Variants in KIF13A observed in about 807,000 individuals in gnomAD.
The protein encoded by KIF13A is kinesin-like protein KIF13A.
A neutral mutation model predicts 212.2 loss-of-function variants in KIF13A; 79 were observed. The ratio of observed to expected loss-of-function variants is 0.37; its 90% CI spans 0.31 to 0.45. The LOEUF (loss-of-function observed/expected upper bound fraction) is 0.45, where lower values mean the gene tolerates loss of function less well. KIF13A is among the 20% of genes least tolerant of loss of function. The pLI is 1.00. For synonymous variants in KIF13A, 789 were observed against 808.6 expected, an observed-to-expected ratio of 0.98 and a Z score of 0.41; for missense variants, 1,901 against 2,209.0, an observed-to-expected ratio of 0.86 and a Z score of 2.79.
At chr6:17,781,684 C>T (rs539976453) in intron 29 of KIF13A, among the ~76,000 whole-genome samples, 76 of 145,840 alleles carry the variant, frequency 5.2e-4, no homozygotes, top group African/African-American at 1.8e-3. Context: ...CTTGAGTGCA[C>T]GGCCTGATCA....
chr6:17,956,991 C>T (rs919317868), intron 2 of KIF13A, among the ~76,000 whole-genome samples: 2 of 152,080 alleles, frequency 1.3e-5, no homozygotes, highest in Admixed American at 6.6e-5. Context: ...AGTGATTCTC[C>T]TGCCTCAGCC....
intron 2 of KIF13A, among the ~76,000 whole-genome samples, chr6:17,941,573 A>G (rs1776957470): frequency 6.6e-6 from 1 of 152,272 alleles, no homozygotes; most frequent in Middle Eastern, 3.4e-3. Flanking sequence ...AGACACACAG[A>G]GAAGGAAGAC....
chr6:17,894,021 G>A (rs1211475348), intron 3 of KIF13A, among the ~76,000 whole-genome samples: 1 of 151,800 alleles, frequency 6.6e-6, no homozygotes, highest in Non-Finnish European at 1.5e-5. Flanking sequence ...TGTATTTTCA[G>A]TAAAGACAGG....
In KIF13A at chr6:17,898,288, G is replaced by T; in HGVS notation, c.147-108C>A. 1 of 1,021,658 alleles carries T rather than the reference G, an allele frequency of 9.8e-7. No homozygotes were observed. The highest frequency in any genetic ancestry group is 1.5e-6 in the Non-Finnish European group (1 of 678,194). The allele number at this position is 1,021,658 out of a possible 1,614,324, so 63.3% of individuals were successfully genotyped here. A position where few individuals can be genotyped will look rare whatever the true frequency, so the allele number is the denominator to read the frequency against. ...AAGAGAAAAAAATAAGGTAAATTCAGCACCTTGATAACATGATCTGAAAGA... is the reference window on the plus strand; with the variant it reads ...AAGAGAAAAAAATAAGGTAAATTCATCACCTTGATAACATGATCTGAAAGA... On this transcript the variant is annotated intron_variant, in intron 2 of 38. Coordinates refer to ENST00000259711, the MANE Select transcript of KIF13A (RefSeq NM_022113.6). The surrounding 1 kb of genome is among the most constrained non-coding windows in gnomAD (Gnocchi z 5.2).
rs1239076609 is a variant in KIF13A, at chr6:17,912,619, A to G, written c.147-14439T>C. The stretch of plus-strand genomic sequence containing the variant: ...TATTTGGGACATGCCACCCTTGTTG[A>G]GTTTTATCATGCATCTTCAAGTCTC... On this transcript the variant is annotated intron_variant, in intron 2 of 38. Transcript: ENST00000259711. The surrounding 1 kb of genome is among the most constrained non-coding windows in gnomAD (Gnocchi z 4.2). 6.6e-6 allele frequency among the ~76,000 whole-genome samples: 1 copy of G among 152,156 alleles called. No homozygotes were observed. Among genetic ancestry groups the G allele is most frequent in the African/African-American group, 2.4e-5 (1 of 41,430 alleles).
intron 29 of KIF13A, among the ~76,000 whole-genome samples, chr6:17,782,529 G>C (rs928199731): frequency 3.9e-5 from 6 of 151,942 alleles, no homozygotes; most frequent in Non-Finnish European, 1.5e-5. Flanking sequence ...CCAGCTACTT[G>C]GGAGGCTGAG....
rs755781422 is a variant in KIF13A, at chr6:17,764,502, C to T, written c.5026G>A (p.Ala1676Thr). 75 of 1,613,884 alleles carry T rather than the reference C, an allele frequency of 4.6e-5. No homozygotes were observed. Among genetic ancestry groups the T allele is most frequent in the Non-Finnish European group, 6.1e-5 (72 of 1,179,894 alleles). ...VVPLKENSAL[A>T]KGSPSSQSIP... ...CTCTGGGATGATGGGCTCCCTTTGGCTAAGGCACTGTTTTCCTTGAGTGGC... is the reference window on the plus strand; with the variant it reads ...CTCTGGGATGATGGGCTCCCTTTGGTTAAGGCACTGTTTTCCTTGAGTGGC... Residue 1676 changes from alanine (A) to threonine (T), a missense_variant, in exon 39 of 39, where the codon GCC (alanine) becomes ACC (threonine). Ala to Thr is a moderately conservative substitution (Grantham distance 58). This residue lies in a region of KIF13A where 687 missense variants were observed against 759.1 expected (regional missense o/e 0.90). Coordinates refer to ENST00000259711, the MANE Select transcript of KIF13A (RefSeq NM_022113.6). This position sits in a 1 kb window ranked among gnomAD's most constrained non-coding sequence, Gnocchi z 5.1.
At chr6:17,820,608 A>C (rs1190211039) in intron 16 of KIF13A, among the ~76,000 whole-genome samples, 1 of 152,238 alleles carries the variant, frequency 6.6e-6, no homozygotes, top group African/African-American at 2.4e-5. Context: ...GATTGTCCAC[A>C]GGTTTATTTT....
chr6:17,797,416 A>C (rs1205784552), intron 22 of KIF13A, among the ~76,000 whole-genome samples: 1 of 152,196 alleles, frequency 6.6e-6, no homozygotes, highest in African/African-American at 2.4e-5. Context: ...CTGAATCTAC[A>C]TCGTCTTACA....
chr6:17,950,343 C>A, intron 2 of KIF13A: 6 of 912,284 alleles, frequency 6.6e-6, no homozygotes, highest in Non-Finnish European at 7.9e-6. Flanking sequence ...CAAATCTAAG[C>A]ACAAACCTTA....
At chr6:17,767,293 C>T (rs1381435279) in intron 38 of KIF13A, among the ~76,000 whole-genome samples, 4 of 148,150 alleles carry the variant, frequency 2.7e-5, no homozygotes, top group African/African-American at 7.5e-5. Context: ...TCACTCTTGT[C>T]GTCCAGGCTG....
Position 17,789,896 on chromosome 6 carries a change from A to G in KIF13A, c.3237T>C (p.Asp1079=), listed in dbSNP as rs771849837. The G allele has an allele frequency of 2.5e-6, 4 of 1,612,964 alleles. No homozygotes were observed. Among genetic ancestry groups the G allele is most frequent in the Admixed American group, 3.3e-5 (2 of 59,938 alleles). ...CCTGATAACTATCCATATCATCACCATCCTCATCATCTCTCTGGTAGGAAA... is the reference window on the plus strand; with the variant it reads ...CCTGATAACTATCCATATCATCACCGTCCTCATCATCTCTCTGGTAGGAAA... ...GLDSYQRDDE[D]GDDMDSYQEE... is the part of the protein sequence containing the mutation. Residue 1079 remains aspartate, a synonymous_variant, in exon 26 of 39, where the codon GAT becomes GAC. Coordinates refer to ENST00000259711, the MANE Select transcript of KIF13A (RefSeq NM_022113.6). This position sits in a 1 kb window ranked among gnomAD's most constrained non-coding sequence, Gnocchi z 4.8.
chr6:17,983,893 G>A (rs1283444261), intron 2 of KIF13A, among the ~76,000 whole-genome samples: 1 of 152,116 alleles, frequency 6.6e-6, no homozygotes, highest in Non-Finnish European at 1.5e-5. Flanking sequence ...ATTGGCAAAG[G>A]ACTCTCTCCT....
Position 17,873,452 on chromosome 6 carries a change from A to T in KIF13A, c.160-15T>A. On this transcript the variant is annotated splice_polypyrimidine_tract_variant and intron_variant, in intron 3 of 38. Transcript: ENST00000259711. ...AAGGCAAATACCTGAATGAAAGAAC[A>T]AAATATTAAACTTAAAGATTAATTA... 1 of 1,532,280 alleles carries T rather than the reference A, an allele frequency of 6.5e-7. No homozygotes were observed. The highest frequency in any genetic ancestry group is 8.9e-7 in the Non-Finnish European group (1 of 1,124,774). The allele number at this position is 1,532,280 out of a possible 1,614,324, so 94.9% of individuals were successfully genotyped here.
At position 17,888,467 on chromosome 6, in the gene KIF13A, C is replaced by G. The variant is rs1265968529; in HGVS notation, c.159+9701G>C. ...GCCATGGGTTTGATCTGAAACAGAG[C>G]TGTCCCATAGAAATATAATGCTAGC... On this transcript the variant is annotated intron_variant, in intron 3 of 38. Coordinates refer to ENST00000259711, the MANE Select transcript of KIF13A (RefSeq NM_022113.6). The surrounding 1 kb of genome is among the most constrained non-coding windows in gnomAD (Gnocchi z 4.8). Among the ~76,000 whole-genome samples the G allele has an allele frequency of 1.3e-5, 2 of 152,138 alleles. No homozygotes were observed. Among genetic ancestry groups the G allele is most frequent in the Non-Finnish European group, 2.9e-5 (2 of 68,034 alleles).
chr6:17,942,162 C>T (rs912638941), intron 2 of KIF13A, among the ~76,000 whole-genome samples: 1 of 151,554 alleles, frequency 6.6e-6, no homozygotes, highest in Non-Finnish European at 1.5e-5. Flanking sequence ...ATTAGCCAGG[C>T]GTGGTGGCAT....
chr6:17,821,709 T>C (rs1439960520), intron 16 of KIF13A: 3 of 1,473,218 alleles, frequency 2.0e-6, no homozygotes, highest in Non-Finnish European at 2.7e-6. Context: ...TGCCAAAGCA[T>C]GGAGCATGAG....
At position 17,919,440 on chromosome 6, in the gene KIF13A, A is replaced by C. The variant is rs572330651; in HGVS notation, c.147-21260T>G. ...ACTTAGGGAAACAAACTAGCAGATT[A>C]TAAATTTCCAAAGGGCTCATCTAAG... is the stretch of plus-strand genomic sequence containing the variant. On this transcript the variant is annotated intron_variant, in intron 2 of 38. Coordinates refer to ENST00000259711, the MANE Select transcript of KIF13A (RefSeq NM_022113.6). This position sits in a 1 kb window ranked among gnomAD's most constrained non-coding sequence, Gnocchi z 4.1. Among the ~76,000 whole-genome samples, 1 of 152,368 alleles carries C rather than the reference A, an allele frequency of 6.6e-6. No individual in the cohort carries two copies. The highest frequency in any genetic ancestry group is 1.9e-4 in the East Asian group (1 of 5,186).
At chr6:17,958,640 T>C (rs1778549793) in intron 2 of KIF13A, among the ~76,000 whole-genome samples, 1 of 152,218 alleles carries the variant, frequency 6.6e-6, no homozygotes, top group Non-Finnish European at 1.5e-5. Context: ...TCCTCATGTT[T>C]CAAATTTGAC....
Sources: allele counts gnomAD v4.1 joint callset (sites outside exome capture counted in the v4.1 genomes callset), GRCh38; gene constraint gnomAD v4.1.1; regional missense constraint gnomAD v4.1.1; non-coding constraint Gnocchi (gnomAD v3.1); transcripts MANE v1.5; gene names NCBI Gene and HGNC (gene_info 2026-07-23, HGNC 2026-07-21).